KSR1: variants seen among roughly 807,000 people sequenced by gnomAD.
KSR1 encodes kinase suppressor of ras 1, also known as kinase suppressor of ras.
Under a neutral mutation model 92.9 loss-of-function variants are expected in KSR1, and 35 were observed. The ratio of observed to expected loss-of-function variants is 0.38; its 90% CI spans 0.29 to 0.50. The LOEUF (loss-of-function observed/expected upper bound fraction) is 0.50. KSR1 is among the 20% of genes least tolerant of loss of function. The probability of loss-of-function intolerance (pLI) is 0.94; values close to 1 mark genes in which losing one functional copy is unlikely to be tolerated. For missense variants in KSR1, 972 were observed against 1,158.5 expected (o/e 0.84, Z 2.34); for synonymous variants, 467 against 472.6 (o/e 0.99, Z 0.15).
intron 1 of KSR1, among the ~76,000 whole-genome samples, chr17:27,463,684 C>T (rs1239784051): frequency 3.3e-5 from 5 of 152,072 alleles, no homozygotes; most frequent in South Asian, 4.1e-4. Context: ...TCCAAGATAG[C>T]GGAGGGAGGG....
chr17:27,488,974 T>G (rs547838625), intron 1 of KSR1, among the ~76,000 whole-genome samples: 1 of 152,358 alleles, frequency 6.6e-6, no homozygotes, highest in South Asian at 2.1e-4. Flanking sequence ...AAAAAAATTT[T>G]TTTTTAAAAA....
At chr17:27,517,141 A>G (rs1002553961) in intron 1 of KSR1, among the ~76,000 whole-genome samples, 3 of 152,190 alleles carry the variant, frequency 2.0e-5, no homozygotes, top group Non-Finnish European at 2.9e-5. Context: ...TCCTGAAAAG[A>G]TTAACTGAGA....
intron 1 of KSR1, among the ~76,000 whole-genome samples, chr17:27,495,093 G>A (rs953515005): frequency 2.0e-5 from 3 of 152,226 alleles, no homozygotes; most frequent in African/African-American, 7.2e-5. Flanking sequence ...CACAGCACAG[G>A]AGGTGGTTTC....
intron 19 of KSR1, 198 bp downstream of exon 19, chr17:27,617,626 C>T (rs34838757): frequency 0.11 from 61,259 of 577,238 alleles, 4,323 homozygotes; most frequent in South Asian, 0.25. Flanking sequence ...CTCCTGGGTT[C>T]AAGCAATTCT....
intron 1 of KSR1, among the ~76,000 whole-genome samples, chr17:27,473,195 C>G (rs1291345488): frequency 6.6e-6 from 1 of 152,216 alleles, no homozygotes; most frequent in African/African-American, 2.4e-5. Context: ...ACTGGTGGAG[C>G]TGAATTGTCT....
chr17:27,535,411 C>A (rs2070720242), intron 1 of KSR1, among the ~76,000 whole-genome samples: 1 of 152,164 alleles, frequency 6.6e-6, no homozygotes, highest in Non-Finnish European at 1.5e-5. Context: ...TAATTCTGGT[C>A]TCATTTGAAA....
At chr17:27,522,559 C>A (rs1017724214) in intron 1 of KSR1, among the ~76,000 whole-genome samples, 3 of 152,190 alleles carry the variant, frequency 2.0e-5, no homozygotes, top group African/African-American at 7.2e-5. Context: ...TTCTTTTCAG[C>A]AGCCTGCCTG....
chr17:27,533,961 G>A (rs992133963), intron 1 of KSR1, among the ~76,000 whole-genome samples: 10 of 139,088 alleles, frequency 7.2e-5, no homozygotes, highest in Non-Finnish European at 1.1e-4. Flanking sequence ...GTGCGTGTGC[G>A]CACGTGTGTG....
chr17:27,586,554 C>G (rs1050442112), intron 5 of KSR1, among the ~76,000 whole-genome samples: 2 of 152,092 alleles, frequency 1.3e-5, no homozygotes, highest in South Asian at 4.1e-4. Context: ...CCTTAGTGCC[C>G]GGGCAGAAAC....
rs771359107 is a variant in KSR1, at chr17:27,623,512, G to A, written c.*120G>A. 2.3e-5 allele frequency: 16 copies of A among 690,732 alleles called. No individual in the cohort carries two copies. Among genetic ancestry groups the A allele is most frequent in the South Asian group, 6.1e-5 (4 of 65,208 alleles). The allele number at this position is 690,732 out of a possible 1,614,324, so 42.8% of individuals were successfully genotyped here. On this transcript the variant is annotated 3_prime_UTR_variant, in exon 21 of 21. Coordinates refer to ENST00000644974, the MANE Select transcript of KSR1 (RefSeq NM_001394583.1). ...CCAGCGCTGCAAACCAGGAGCACAC[G>A]TCCTAGATTCAGACTGTTGGCCATA...
Position 27,550,659 on chromosome 17 carries a change from G to A in KSR1, c.323G>A (p.Arg108His), listed in dbSNP as rs776371462. ...ACCCCAGAGCTCAACAGCTACCCCC[G>A]CTTCAGCGACTGGCTGTACACTTTC... ...ERTPELNSYP[R>H]FSDWLYTFNV... Residue 108 changes from arginine (R) to histidine (H), a missense_variant, in exon 2 of 21, where the codon CGC becomes CAC. Arg to His is a conservative substitution (Grantham distance 29). Coordinates refer to ENST00000644974, the MANE Select transcript of KSR1 (RefSeq NM_001394583.1). 6 of 764,098 alleles carry A rather than the reference G, an allele frequency of 7.9e-6. No individual in the cohort carries two copies. Among genetic ancestry groups the A allele is most frequent in the Middle Eastern group, 2.9e-4 (1 of 3,398 alleles). The allele number at this position is 764,098 out of a possible 1,614,324, so 47.3% of individuals were successfully genotyped here.
chr17:27,611,271 C>T (rs1273338360), intron 17 of KSR1: 4 of 562,062 alleles, frequency 7.1e-6, no homozygotes, highest in Non-Finnish European at 1.3e-5. Flanking sequence ...TCCGGTCAAA[C>T]CTGCGCTGTC....
intron 1 of KSR1, among the ~76,000 whole-genome samples, chr17:27,474,959 A>G (rs541733485): frequency 6.8e-4 from 104 of 152,330 alleles, no homozygotes; most frequent in African/African-American, 2.4e-3. Flanking sequence ...GTTAAGTGGT[A>G]AAAGTGCTGT....
At chr17:27,607,294 C>T (rs1181733126) in intron 14 of KSR1, among the ~76,000 whole-genome samples, 1 of 152,072 alleles carries the variant, frequency 6.6e-6, no homozygotes, top group Non-Finnish European at 1.5e-5. Context: ...AAACATAGTC[C>T]CTTCCTAAGA....
At chr17:27,483,630 G>C (rs1597856718) in intron 1 of KSR1, 1 of 150,124 alleles carries the variant, frequency 6.7e-6, no homozygotes, top group South Asian at 2.1e-4. Context: ...CTTTTCCTCT[G>C]TGACTTTATG....
intron 1 of KSR1, among the ~76,000 whole-genome samples, chr17:27,495,274 G>A (rs1280069328): frequency 2.0e-5 from 3 of 152,164 alleles, no homozygotes; most frequent in Non-Finnish European, 2.9e-5. Flanking sequence ...TACTGATCTC[G>A]CACTTTCCTG....
intron 8 of KSR1, 39 bp from the exon 9 acceptor site, chr17:27,592,481 C>T (rs762640682): frequency 2.5e-6 from 4 of 1,613,182 alleles, no homozygotes; most frequent in Non-Finnish European, 3.4e-6. Flanking sequence ...TTTAGCTTGA[C>T]CTGTTCCCTG....
intron 1 of KSR1, among the ~76,000 whole-genome samples, chr17:27,478,169 C>T (rs1026802757): frequency 2.0e-5 from 3 of 152,324 alleles, no homozygotes; most frequent in Admixed American, 6.5e-5. Context: ...AGGAATTGAA[C>T]GAGGGTTCTG....
chr17:27,612,024 CTCA>C (rs750855803), intron 18 of KSR1, among the ~76,000 whole-genome samples: 13 of 152,080 alleles, frequency 8.5e-5, no homozygotes, highest in Non-Finnish European at 1.6e-4. Context: ...TAAATCTTTC[CTCA>C]TAATGTTTTT....
Sources: allele counts gnomAD v4.1 joint callset (sites outside exome capture counted in the v4.1 genomes callset), GRCh38; gene constraint gnomAD v4.1.1; transcripts MANE v1.5; gene names NCBI Gene and HGNC (gene_info 2026-07-23, HGNC 2026-07-21).